The following USP14 variants were observed in gnomAD, a reference collection of about 807,000 sequenced individuals.
USP14 encodes ubiquitin specific peptidase 14, also known as ubiquitin carboxyl-terminal hydrolase 14.
In USP14, 38 loss-of-function variants were observed where a neutral mutation model predicts 76.5. The observed-to-expected ratio is 0.50, with a 90% CI of 0.38 to 0.65. The LOEUF is 0.65. Among genes scored for constraint, USP14 ranks in the 30% least tolerant of loss-of-function variants. The pLI, the probability that USP14 is intolerant of heterozygous loss-of-function variation, is 0.00. For synonymous variants in USP14, 192 were observed against 191.7 expected (o/e 1.00, Z -0.01); for missense variants, 467 against 586.5 (o/e 0.80, Z 2.10).
intron 3 of USP14, among the ~76,000 whole-genome samples, chr18:174,275 T>C (rs1192713187): frequency 2.0e-5 from 3 of 151,170 alleles, no homozygotes; most frequent in Non-Finnish European, 3.0e-5. Flanking sequence ...TTTCTTTTTT[T>C]TTTTTTTTTT....
At chr18:186,053 T>A (rs1400868121) in intron 5 of USP14, among the ~76,000 whole-genome samples, 1 of 152,104 alleles carries the variant, frequency 6.6e-6, no homozygotes, top group East Asian at 1.9e-4. Flanking sequence ...GACAAAAAAA[T>A]TTTAAATAAC....
chr18:175,410 T>A (rs900964197), intron 3 of USP14, among the ~76,000 whole-genome samples: 3 of 152,210 alleles, frequency 2.0e-5, no homozygotes, highest in African/African-American at 7.2e-5. Flanking sequence ...ATCATCAGGT[T>A]CAGGAACTCT....
intron 13 of USP14, among the ~76,000 whole-genome samples, chr18:207,987 A>G (rs1279724987): frequency 1.3e-5 from 2 of 152,062 alleles, no homozygotes; most frequent in Non-Finnish European, 2.9e-5. Flanking sequence ...TGTTTTGAAG[A>G]GATTATGTAG....
chr18:201,044 G>A (rs528887710), intron 10 of USP14, among the ~76,000 whole-genome samples: 5 of 152,172 alleles, frequency 3.3e-5, no homozygotes, highest in East Asian at 1.9e-4. Flanking sequence ...CTTGTGATCC[G>A]CCCACCTCGG....
rs1910445205 is a variant in USP14 at position 203,596 on chromosome 18, ATACTC to A, written c.1035+409_1035+413del. Among the ~76,000 whole-genome samples, 8 of 151,544 alleles carry A rather than the reference ATACTC, an allele frequency of 5.3e-5. No individual in the cohort carries two copies. The South Asian group carries it at 1.5e-3, about 28-fold the overall frequency. ...AGGTAGGGAGTGATAACTCTGCACT[ATACTC>A]TAGGTGGTTTCTTTCTTTTTTTTTT... On this transcript the variant is annotated intron_variant, in intron 12 of 15. Coordinates refer to ENST00000261601, the MANE Select transcript of USP14 (RefSeq NM_005151.4).
At chr18:177,422 TAAAA>T (rs550087165) in intron 3 of USP14, among the ~76,000 whole-genome samples, 4 of 108,648 alleles carry the variant, frequency 3.7e-5, no homozygotes, top group Non-Finnish European at 5.7e-5. Context: ...TCCCTGTCTC[TAAAA>T]AAAAAAAAAA....
In USP14 at chr18:214,425, C is replaced by T. The variant is rs1173390125; in HGVS notation, c.*3141C>T. 6 of 512,146 alleles carry T rather than the reference C, an allele frequency of 1.2e-5. No homozygotes were observed. The highest frequency in any genetic ancestry group is 3.2e-5 in the South Asian group (1 of 30,886). 31.7% of individuals were successfully genotyped at this position (512,146 alleles called of 1,614,324 possible). A position where few individuals can be genotyped will look rare whatever the true frequency, so the allele number is the denominator to read the frequency against. On this transcript the variant is annotated 3_prime_UTR_variant, in exon 16 of 16. Coordinates refer to ENST00000261601, the MANE Select transcript of USP14 (RefSeq NM_005151.4). ...ATATTTTGTGATCTTGAGGTCACTT[C>T]GTTTAGGTCATTATCTCAACCCAAC...
rs575679802 is a variant in USP14, at chr18:169,864, G to A, written c.195+3045G>A. ...TGATGTTACTTTTGTAATTGTTTTG[G>A]GGTGTCATGAATCACACCTGTAAGA... On this transcript the variant is annotated intron_variant, in intron 3 of 15. Coordinates refer to ENST00000261601, the MANE Select transcript of USP14 (RefSeq NM_005151.4). Among the ~76,000 whole-genome samples, 4 of 152,044 alleles carry A rather than the reference G, an allele frequency of 2.6e-5. No individual in the cohort carries two copies. In the South Asian group the frequency reaches 8.3e-4, roughly 32 times the overall value.
intron 3 of USP14, among the ~76,000 whole-genome samples, chr18:172,167 G>A (rs577627984): frequency 1.3e-5 from 2 of 152,270 alleles, no homozygotes; most frequent in African/African-American, 4.8e-5. Context: ...AAGCCTAGGA[G>A]TTTGAGGTTA....
At chr18:183,381 T>C (rs1285999492) in intron 5 of USP14, among the ~76,000 whole-genome samples, 2 of 152,014 alleles carry the variant, frequency 1.3e-5, no homozygotes, top group Non-Finnish European at 2.9e-5. Context: ...TTATTTATCT[T>C]ATAAAAGTAC....
rs536898105 is a variant in USP14 at position 174,886 on chromosome 18, G to A, written c.196-4047G>A. Among the ~76,000 whole-genome samples the A allele has an allele frequency of 4.0e-3, 609 of 151,900 alleles. 1 individual carries two copies. Among genetic ancestry groups the A allele is most frequent in the African/African-American group, 0.014 (575 of 41,460 alleles). On this transcript the variant is annotated intron_variant, in intron 3 of 15. Coordinates refer to ENST00000261601, the MANE Select transcript of USP14 (RefSeq NM_005151.4). ...TGCCTCCCAGGTTCAAGCAGTTCTCGTGCCTCAGCCTCCCGAGTAGCTGGG... is the reference window on the plus strand; with the variant it reads ...TGCCTCCCAGGTTCAAGCAGTTCTCATGCCTCAGCCTCCCGAGTAGCTGGG...
chr18:194,467 T>A (rs911556335), intron 6 of USP14, among the ~76,000 whole-genome samples: 4 of 152,246 alleles, frequency 2.6e-5, no homozygotes, highest in African/African-American at 9.6e-5. Flanking sequence ...ACAGAAAAGT[T>A]GTAAGAATTC....
rs532583622 is a variant in USP14, at chr18:191,113, A to G, written c.405-1729A>G. Among the ~76,000 whole-genome samples the G allele has an allele frequency of 5.3e-5, 8 of 152,268 alleles. No individual in the cohort carries two copies. In the South Asian group the frequency reaches 6.2e-4, roughly 12 times the overall value. ...TACATACCCAAGTGATGTTCAGGGT[A>G]TGTCTGCTATATTAGTACTTAATTT... On this transcript the variant is annotated intron_variant, in intron 5 of 15. Transcript: ENST00000261601.
chr18:194,179 A>G (rs140316667), intron 6 of USP14, among the ~76,000 whole-genome samples: 1 of 152,252 alleles, frequency 6.6e-6, no homozygotes, highest in East Asian at 1.9e-4. Context: ...TGATATTATA[A>G]ACAGGTTTCT....
At position 171,009 on chromosome 18, in the gene USP14, TA is replaced by T. The variant is rs145131497; in HGVS notation, c.195+4207del. ...CATCCTGGACATGTACCCTGGAACT[TA>T]AAAAAAAAAAAAAAAATATATATAT... On this transcript the variant is annotated intron_variant, in intron 3 of 15. Transcript: ENST00000261601. 8.2e-3 allele frequency among the ~76,000 whole-genome samples: 752 copies of T among 91,690 alleles called. 13 individuals carry two copies. Among genetic ancestry groups the T allele is most frequent in the Non-Finnish European group, 0.011 (531 of 50,098 alleles). The allele number at this position is 91,690 out of a possible 152,430, so 60.2% of individuals were successfully genotyped here.
intron 3 of USP14, among the ~76,000 whole-genome samples, chr18:170,006 T>G (rs1196457328): frequency 6.6e-6 from 1 of 151,968 alleles, no homozygotes; most frequent in Non-Finnish European, 1.5e-5. Context: ...ATTAGGCCAA[T>G]TAATAACCCT....
chr18:180,827 T>C (rs535359007), intron 5 of USP14, among the ~76,000 whole-genome samples: 109 of 151,566 alleles, frequency 7.2e-4, no homozygotes, highest in African/African-American at 2.4e-3. Context: ...ACCTCATTCC[T>C]ATTTTATGGC....
chr18:161,462 A>C (rs921764694), intron 1 of USP14, among the ~76,000 whole-genome samples: 1 of 152,152 alleles, frequency 6.6e-6, no homozygotes, highest in Non-Finnish European at 1.5e-5. Flanking sequence ...GATAGTGATA[A>C]CTCAGAAGTT....
chr18:209,686 A>G (rs1328950117), intron 13 of USP14, among the ~76,000 whole-genome samples: 1 of 152,190 alleles, frequency 6.6e-6, no homozygotes, highest in Non-Finnish European at 1.5e-5. Context: ...GTTTAACTGT[A>G]CTGCTGTATT....
Sources: allele counts gnomAD v4.1 joint callset (sites outside exome capture counted in the v4.1 genomes callset), GRCh38; gene constraint gnomAD v4.1.1; transcripts MANE v1.5; gene names NCBI Gene and HGNC (gene_info 2026-07-23, HGNC 2026-07-21).